The following TRMT11 variants were observed in gnomAD, a reference collection of about 807,000 sequenced individuals.
TRMT11 encodes the protein tRNA methyltransferase 11.
A neutral mutation model predicts 62.8 loss-of-function variants in TRMT11; 53 were observed. The observed-to-expected ratio is 0.84, with a 90% CI of 0.68 to 1.06. The LOEUF (loss-of-function observed/expected upper bound fraction) is 1.06. Among genes scored for constraint, TRMT11 ranks in the 50% least tolerant of loss-of-function variants. The probability of loss-of-function intolerance (pLI) is 0.00; values close to 1 mark genes in which losing one functional copy is unlikely to be tolerated. For missense variants in TRMT11, 556 were observed against 553.4 expected, an observed-to-expected ratio of 1.00 and a Z score of -0.05; for synonymous variants, 188 against 190.3, an observed-to-expected ratio of 0.99 and a Z score of 0.10.
chr6:126,229,523 A>G, the TRMT11 span, among the ~76,000 whole-genome samples: 4 of 152,252 alleles, frequency 2.6e-5, no homozygotes, highest in Non-Finnish European at 5.9e-5. Flanking sequence ...AAAGAAATGT[A>G]TCCTGCCTTT....
chr6:126,010,943 G>A (rs1794082778), intron 8 of TRMT11, among the ~76,000 whole-genome samples: 1 of 152,124 alleles, frequency 6.6e-6, no homozygotes, highest in African/African-American at 2.4e-5. Flanking sequence ...ACTGCTGGAA[G>A]AAAGGAACCA....
At chr6:126,178,805 G>A (rs1052957260) in intron 1 of TRMT11, among the ~76,000 whole-genome samples, 1 of 152,080 alleles carries the variant, frequency 6.6e-6, no homozygotes, top group Admixed American at 6.6e-5. Flanking sequence ...TCTAGTCAGG[G>A]AAGCGGTTGG....
the TRMT11 span, among the ~76,000 whole-genome samples, chr6:126,233,008 C>G: frequency 6.6e-6 from 1 of 152,138 alleles, no homozygotes; most frequent in Non-Finnish European, 1.5e-5. Context: ...ATGCTCTCTT[C>G]TTTCCTTTGT....
chr6:126,134,409 G>A (rs910535516), intron 21 of TRMT11, among the ~76,000 whole-genome samples: 1 of 151,630 alleles, frequency 6.6e-6, no homozygotes, highest in Admixed American at 6.6e-5. Flanking sequence ...CAAAGAAGAG[G>A]ATTCTATAAT....
chr6:126,117,861 A>C (rs1777607971), intron 21 of TRMT11, among the ~76,000 whole-genome samples: 1 of 152,096 alleles, frequency 6.6e-6, no homozygotes, highest in South Asian at 2.1e-4. Flanking sequence ...TGACCATAGA[A>C]TGTCGCTTAA....
intron 17 of TRMT11, among the ~76,000 whole-genome samples, chr6:126,058,994 T>G (rs1321757843): frequency 6.6e-6 from 1 of 151,974 alleles, no homozygotes; most frequent in Non-Finnish European, 1.5e-5. Flanking sequence ...CCCTGGAGAC[T>G]GAATCGAAGA....
intron 17 of TRMT11, among the ~76,000 whole-genome samples, chr6:126,095,368 A>T (rs937559071): frequency 7.2e-5 from 11 of 152,190 alleles, no homozygotes; most frequent in African/African-American, 2.7e-4. Context: ...TCAGGGTTTT[A>T]AATGTAGTCT....
rs1445160350 is a variant in TRMT11 at position 125,998,668 on chromosome 6, T to C, written c.506T>C (p.Ile169Thr). Residue 169 changes from isoleucine to threonine, a missense_variant, in exon 6 of 13, where the codon ATT becomes ACT. Transcript: ENST00000334379. The stretch of plus-strand genomic sequence containing the variant: ...TGCATCCCTGAGAATCCACATAATA[T>C]TTATTTTGGTAGATGGGTGAGCAAG... Reference protein sequence around the residue: ...PNCIPENPHNIYFGRWIADGQ... With the variant: ...PNCIPENPHNTYFGRWIADGQ... The C allele has an allele frequency of 1.6e-5, 26 of 1,611,828 alleles. No homozygotes were observed. Among genetic ancestry groups the C allele is most frequent in the African/African-American group, 2.7e-5 (2 of 74,784 alleles).
chr6:126,225,778 C>T, the TRMT11 span, among the ~76,000 whole-genome samples: 3 of 147,916 alleles, frequency 2.0e-5, no homozygotes, highest in African/African-American at 7.6e-5. Flanking sequence ...GCACCCTCTA[C>T]CTCCTGGTTG....
chr6:126,050,245 G>A (rs1467175416), intron 16 of TRMT11, among the ~76,000 whole-genome samples: 2 of 150,342 alleles, frequency 1.3e-5, no homozygotes, highest in African/African-American at 4.9e-5. Context: ...CAGGAGAATC[G>A]CTTGAATCTG....
rs115599982 is a variant in TRMT11 at position 126,081,881 on chromosome 6, C to T, written c.*1437+28691C>T. 1.8e-3 allele frequency among the ~76,000 whole-genome samples: 272 copies of T among 152,198 alleles called. 1 individual carries two copies. Among genetic ancestry groups the T allele is most frequent in the African/African-American group, 6.3e-3 (262 of 41,536 alleles). On this transcript the variant is annotated intron_variant and NMD_transcript_variant, in intron 17 of 22. Coordinates refer to the TRMT11 transcript ENST00000648977. ...TGCTGTTTGGAGCTTCTGGCAAGTACCGAAAGGAGAATCATAATGCAGATC... is the reference window on the plus strand; with the variant it reads ...TGCTGTTTGGAGCTTCTGGCAAGTATCGAAAGGAGAATCATAATGCAGATC...
At chr6:126,057,381 A>G (rs530766013) in intron 17 of TRMT11, among the ~76,000 whole-genome samples, 9 of 152,352 alleles carry the variant, frequency 5.9e-5, no homozygotes, top group African/African-American at 1.9e-4. Flanking sequence ...TTGAAAAATC[A>G]ATGTCGATGA....
At chr6:126,099,702 G>A (rs1187006022) in intron 17 of TRMT11, among the ~76,000 whole-genome samples, 1 of 152,200 alleles carries the variant, frequency 6.6e-6, no homozygotes, top group Non-Finnish European at 1.5e-5. Context: ...AGCTGAGATC[G>A]TGCCACTGCA....
At chr6:126,267,092 G>A in the TRMT11 span, among the ~76,000 whole-genome samples, 2 of 152,116 alleles carry the variant, frequency 1.3e-5, no homozygotes, top group Admixed American at 1.3e-4. Context: ...TGCTAGTGTG[G>A]AACTCTAGAA....
At chr6:126,119,707 A>G (rs1288098248) in intron 21 of TRMT11, among the ~76,000 whole-genome samples, 2 of 152,088 alleles carry the variant, frequency 1.3e-5, no homozygotes, top group Non-Finnish European at 2.9e-5. Context: ...TATAGAAGTC[A>G]CTAAAGCTGA....
chr6:126,086,750 ATTCTC>A (rs1777221294), intron 17 of TRMT11, among the ~76,000 whole-genome samples: 1 of 152,032 alleles, frequency 6.6e-6, no homozygotes. Flanking sequence ...CACTTCCTCT[ATTCTC>A]TAAGTTTCAT....
At chr6:126,244,781 G>T in the TRMT11 span, among the ~76,000 whole-genome samples, 2 of 152,154 alleles carry the variant, frequency 1.3e-5, no homozygotes, top group African/African-American at 2.4e-5. Flanking sequence ...TGACACGCAA[G>T]GTGCAATTTA....
chr6:125,995,566 A>T (rs932841854), intron 2 of TRMT11, among the ~76,000 whole-genome samples: 1 of 152,208 alleles, frequency 6.6e-6, no homozygotes, highest in African/African-American at 2.4e-5. Context: ...ACACCTACCT[A>T]GAAAAAGGTC....
chr6:126,182,381 C>T (rs1583901713), intron 1 of TRMT11, among the ~76,000 whole-genome samples: 1 of 151,296 alleles, frequency 6.6e-6, no homozygotes, highest in East Asian at 2.0e-4. Context: ...CTTTTTTTCC[C>T]ACTTCTTGGT....
Sources: gnomAD v4.1 joint callset for allele counts (sites outside exome capture counted in the v4.1 genomes callset) on GRCh38, gnomAD v4.1.1 for gene constraint, MANE v1.5 for transcripts, NCBI Gene and HGNC (gene_info 2026-07-23, HGNC 2026-07-21) for gene names.